The following TOM1L2 variants were observed in gnomAD, a reference collection of about 807,000 sequenced individuals.
TOM1L2 encodes target of myb1 like 2 membrane trafficking protein, also known as TOM1-like protein 2.
Under a neutral mutation model 67.9 loss-of-function variants are expected in TOM1L2, and 31 were observed. That is an observed-to-expected ratio of 0.46 (90% CI 0.34 to 0.62). TOM1L2 has a LOEUF of 0.62. TOM1L2 is among the 20% of genes least tolerant of loss of function. The pLI, the probability that TOM1L2 is intolerant of heterozygous loss-of-function variation, is 0.01. For missense variants in TOM1L2, 606 were observed against 663.5 expected (o/e 0.91, Z 0.95); for synonymous variants, 256 against 254.0 (o/e 1.01, Z -0.07).
In TOM1L2 at chr17:17,844,793, G is replaced by A. The variant is rs2143362026; in HGVS notation, c.*2842C>T. 1 of 152,356 alleles carries A rather than the reference G, an allele frequency of 6.6e-6. No homozygotes were observed. Among genetic ancestry groups the A allele is most frequent in the East Asian group, 1.9e-4 (1 of 5,188 alleles). The allele number at this position is 152,356 out of a possible 1,614,324, so 9.4% of individuals were successfully genotyped here. A position where few individuals can be genotyped will look rare whatever the true frequency, so the allele number is the denominator to read the frequency against. Reference sequence around the variant, plus strand: ...TTAGTTTTCACATCTCAGCAACAATGAACGCAGAAAGGGTTAAACACATTC... The same window carrying A: ...TTAGTTTTCACATCTCAGCAACAATAAACGCAGAAAGGGTTAAACACATTC... On this transcript the variant is annotated 3_prime_UTR_variant, in exon 15 of 15. Transcript: ENST00000379504.
intron 2 of TOM1L2, among the ~76,000 whole-genome samples, chr17:17,906,329 G>A (rs1422106673): frequency 6.6e-5 from 10 of 151,580 alleles, no homozygotes; most frequent in African/African-American, 1.7e-4. Context: ...AGATTCAACC[G>A]TGTTGCCCAG....
intron 2 of TOM1L2, among the ~76,000 whole-genome samples, chr17:17,905,224 C>T (rs1170713158): frequency 3.3e-5 from 5 of 152,208 alleles, no homozygotes; most frequent in East Asian, 1.9e-4. Flanking sequence ...AAGACTCCCA[C>T]GTTTTCATCC....
intron 1 of TOM1L2, among the ~76,000 whole-genome samples, chr17:17,934,670 G>C (rs767390778): frequency 6.6e-6 from 1 of 152,046 alleles, no homozygotes; most frequent in Admixed American, 6.5e-5. Context: ...AAAATGTGTC[G>C]ACCTATACAG....
chr17:17,971,478 C>G (rs543941103), intron 1 of TOM1L2, among the ~76,000 whole-genome samples: 8 of 152,244 alleles, frequency 5.3e-5, no homozygotes, highest in South Asian at 4.1e-4. Context: ...AGAGCCCCTC[C>G]TCCTATCCCA....
chr17:17,947,863 G>A (rs1168301376), intron 1 of TOM1L2, among the ~76,000 whole-genome samples: 1 of 151,934 alleles, frequency 6.6e-6, no homozygotes, highest in Non-Finnish European at 1.5e-5. Flanking sequence ...GGTAGCATGA[G>A]GGGTCACACT....
chr17:17,882,652 G>A, intron 6 of TOM1L2, 53 bp downstream of exon 6: 1 of 1,599,078 alleles, frequency 6.3e-7, no homozygotes, highest in Non-Finnish European at 8.6e-7. Flanking sequence ...CTCCCAGAAA[G>A]ATGAAAAAGG....
At chr17:17,935,157 G>T (rs1463211337) in intron 1 of TOM1L2, among the ~76,000 whole-genome samples, 1 of 152,206 alleles carries the variant, frequency 6.6e-6, no homozygotes, top group African/African-American at 2.4e-5. Flanking sequence ...AAGCCTCTGT[G>T]GCTATCAAAC....
intron 1 of TOM1L2, among the ~76,000 whole-genome samples, chr17:17,936,353 GC>G (rs1360565868): frequency 6.6e-6 from 1 of 152,096 alleles, no homozygotes; most frequent in Non-Finnish European, 1.5e-5. Flanking sequence ...TCACACTAGT[GC>G]CCCTGCCCCA....
intron 4 of TOM1L2, 38 bp downstream of exon 4, chr17:17,893,623 A>G: frequency 6.3e-7 from 1 of 1,596,448 alleles, no homozygotes; most frequent in Admixed American, 1.7e-5. Flanking sequence ...ACTTCATCTT[A>G]CTCTGTTCCA....
chr17:17,963,172 G>C (rs1384073813), intron 1 of TOM1L2, among the ~76,000 whole-genome samples: 1 of 152,118 alleles, frequency 6.6e-6, no homozygotes, highest in Non-Finnish European at 1.5e-5. Flanking sequence ...TACAGATTGG[G>C]AAACTGAGTT....
intron 5 of TOM1L2, among the ~76,000 whole-genome samples, chr17:17,883,722 A>C (rs1382324867): frequency 6.6e-6 from 1 of 152,230 alleles, no homozygotes; most frequent in African/African-American, 2.4e-5. Context: ...CGACACAGCA[A>C]GACTCCGACT....
At chr17:17,900,938 CTTCTGTCCTCTT>C (rs906838447) in intron 2 of TOM1L2, among the ~76,000 whole-genome samples, 11 of 152,248 alleles carry the variant, frequency 7.2e-5, no homozygotes, top group Non-Finnish European at 1.5e-4. Flanking sequence ...TCAGTCCTCT[CTTCTGTCCTCTT>C]GAACTTCCAT....
chr17:17,912,069 C>G (rs1194256806), intron 1 of TOM1L2, among the ~76,000 whole-genome samples: 2 of 152,010 alleles, frequency 1.3e-5, no homozygotes, highest in African/African-American at 4.8e-5. Flanking sequence ...TACACAGACA[C>G]GGCAACCATC....
chr17:17,862,763 CG>C lies in TOM1L2; in HGVS notation c.1169del (p.Thr390ArgfsTer13). 1 of 1,613,930 alleles carries C rather than the reference CG, an allele frequency of 6.2e-7. No individual in the cohort carries two copies. The highest frequency in any genetic ancestry group is 1.7e-5 in the Admixed American group (1 of 60,020). On this transcript the variant is annotated frameshift_variant, in exon 11 of 15. Coordinates refer to ENST00000379504, the MANE Select transcript of TOM1L2 (RefSeq NM_001082968.2). LOFTEE classifies it high-confidence loss of function. ...GCTGCTCAGCCAAGGAGTTTCCTCT[CG>C]TCTGGGCAAACATGTCAAAGCCGTC... ...PRDGFDMFAQ[T>X]RGNSLAEQRK...
At chr17:17,926,896 C>T (rs1437981706) in intron 1 of TOM1L2, among the ~76,000 whole-genome samples, 2 of 151,974 alleles carry the variant, frequency 1.3e-5, no homozygotes, top group Non-Finnish European at 2.9e-5. Flanking sequence ...GAAATGTAAC[C>T]ATATTTAAAT....
intron 1 of TOM1L2, among the ~76,000 whole-genome samples, chr17:17,943,171 AT>A (rs2040806833): frequency 6.6e-6 from 1 of 152,224 alleles, no homozygotes; most frequent in East Asian, 1.9e-4. Context: ...AAATAAAAAA[AT>A]ACTTCATCTC....
chr17:17,896,306 G>C (rs2038568571), intron 3 of TOM1L2, among the ~76,000 whole-genome samples: 1 of 152,132 alleles, frequency 6.6e-6, no homozygotes, highest in African/African-American at 2.4e-5. Context: ...GTGAGAAGCA[G>C]GTGGGAAAGG....
At chr17:17,927,358 CAT>C (rs1030500836) in intron 1 of TOM1L2, among the ~76,000 whole-genome samples, 17 of 152,204 alleles carry the variant, frequency 1.1e-4, no homozygotes, top group African/African-American at 2.4e-4. Context: ...GCGCAAACCA[CAT>C]GAGGCCAGCT....
chr17:17,955,572 C>A (rs2041403681), intron 1 of TOM1L2, among the ~76,000 whole-genome samples: 1 of 152,126 alleles, frequency 6.6e-6, no homozygotes, highest in Non-Finnish European at 1.5e-5. Flanking sequence ...ATCTCCTGAC[C>A]TCGTGATCCT....
Sources: gnomAD v4.1 joint callset for allele counts (sites outside exome capture counted in the v4.1 genomes callset) on GRCh38, gnomAD v4.1.1 for gene constraint, MANE v1.5 for transcripts, NCBI Gene and HGNC (gene_info 2026-07-23, HGNC 2026-07-21) for gene names.